Variants in PTCHD4 observed in about 807,000 individuals in gnomAD.
PTCHD4 encodes the protein patched domain-containing protein 4.
A neutral mutation model predicts 58.1 loss-of-function variants in PTCHD4; 33 were observed. The ratio of observed to expected loss-of-function variants is 0.57; its 90% CI spans 0.43 to 0.76. PTCHD4 has a LOEUF of 0.76. Ranked by LOEUF, PTCHD4 falls within the 30% of genes least tolerant of loss-of-function variation. The pLI is 0.00. For missense variants in PTCHD4, 1,058 were observed against 1,027.1 expected (o/e 1.03, Z -0.41); for synonymous variants, 478 against 409.6 (o/e 1.17, Z -2.02).
At chr6:48,109,087 C>G (rs1238743321) in intron 1 of PTCHD4, among the ~76,000 whole-genome samples, 2 of 151,818 alleles carry the variant, frequency 1.3e-5, no homozygotes, top group Non-Finnish European at 2.9e-5. Context: ...AGTAAAATAC[C>G]TTAACAAACT....
At chr6:48,102,026 C>T (rs1765614237) in intron 1 of PTCHD4, among the ~76,000 whole-genome samples, 1 of 152,220 alleles carries the variant, frequency 6.6e-6, no homozygotes, top group South Asian at 2.1e-4. Context: ...AAAACCACTA[C>T]AGCCTGCTGC....
Position 48,111,132 on chromosome 6 carries a change from C to G in PTCHD4, c.-1053G>C, listed in dbSNP as rs967568096. Among the ~76,000 whole-genome samples the G allele has an allele frequency of 6.6e-6, 1 of 152,042 alleles. No individual in the cohort carries two copies. The highest frequency in any genetic ancestry group is 2.4e-5 in the African/African-American group (1 of 41,404). ...GGGGATTTCTTTTATTTCTTCTCTG[C>G]TACTTCTCTGCCATACTGTGGTTGG... is the stretch of plus-strand genomic sequence containing the variant. On this transcript the variant is annotated 5_prime_UTR_variant, in exon 1 of 5. It removes the in-frame stop codon of an upstream open reading frame in the 5' UTR. Transcript: ENST00000339488.
chr6:47,865,813 T>C lies in PTCHD4; in HGVS notation c.*12490A>G, dbSNP rs967966211. ...ATAATAATAATAATAAAAAGTAATC[T>C]GAGTCCATCAAATCAAATATAAATT... is the stretch of plus-strand genomic sequence containing the variant. On this transcript the variant is annotated 3_prime_UTR_variant, in exon 5 of 5. Coordinates refer to ENST00000339488, the MANE Select transcript of PTCHD4 (RefSeq NM_001384253.1). Among the ~76,000 whole-genome samples, 3 of 151,870 alleles carry C rather than the reference T, an allele frequency of 2.0e-5. No individual in the cohort carries two copies. The highest frequency in any genetic ancestry group is 4.4e-5 in the Non-Finnish European group (3 of 67,876).
At chr6:47,962,596 A>T (rs1767138875) in intron 4 of PTCHD4, among the ~76,000 whole-genome samples, 1 of 152,110 alleles carries the variant, frequency 6.6e-6, no homozygotes, top group African/African-American at 2.4e-5. Context: ...TTCACTCAGC[A>T]CTTGTCCTCC....
At chr6:47,965,562 T>C (rs1767253406) in intron 4 of PTCHD4, among the ~76,000 whole-genome samples, 1 of 152,186 alleles carries the variant, frequency 6.6e-6, no homozygotes, top group Non-Finnish European at 1.5e-5. Context: ...CTATTATCTG[T>C]AAATTGTGAT....
chr6:48,078,950 C>G (rs1339542659), intron 1 of PTCHD4, among the ~76,000 whole-genome samples: 4 of 151,928 alleles, frequency 2.6e-5, no homozygotes, highest in African/African-American at 9.7e-5. Context: ...AACCCCGTCT[C>G]TACTAAAAAA....
At chr6:48,019,777 T>G (rs1380263958) in intron 3 of PTCHD4, among the ~76,000 whole-genome samples, 1 of 151,910 alleles carries the variant, frequency 6.6e-6, no homozygotes, top group Non-Finnish European at 1.5e-5. Flanking sequence ...TGGCAGTGAT[T>G]AACACAAGAT....
chr6:48,101,864 TA>T (rs1765610077), intron 1 of PTCHD4, among the ~76,000 whole-genome samples: 1 of 152,174 alleles, frequency 6.6e-6, no homozygotes, highest in Non-Finnish European at 1.5e-5. Context: ...TCAGGTCCTC[TA>T]ATTAGCTGGT....
intron 4 of PTCHD4, among the ~76,000 whole-genome samples, chr6:47,892,712 G>T (rs2114128902): frequency 6.6e-6 from 1 of 152,318 alleles, no homozygotes; most frequent in South Asian, 2.1e-4. Context: ...TACTAAATAT[G>T]ATTCAAGAGA....
chr6:48,065,954 A>G (rs1562035545), intron 3 of PTCHD4, among the ~76,000 whole-genome samples: 1 of 152,152 alleles, frequency 6.6e-6, no homozygotes, highest in Non-Finnish European at 1.5e-5. Flanking sequence ...TCTGACTTCT[A>G]CTAAGATGTA....
intron 4 of PTCHD4, among the ~76,000 whole-genome samples, chr6:47,971,706 C>T (rs1053923729): frequency 3.3e-5 from 5 of 152,154 alleles, no homozygotes; most frequent in African/African-American, 1.2e-4. Flanking sequence ...CCTCAGAATG[C>T]ACTCCATGTA....
At chr6:47,986,343 T>C (rs1768061715) in intron 4 of PTCHD4, among the ~76,000 whole-genome samples, 1 of 152,192 alleles carries the variant, frequency 6.6e-6, no homozygotes, top group Non-Finnish European at 1.5e-5. Context: ...ACTGGGACAT[T>C]ATAAATGCTC....
chr6:48,060,508 C>A (rs1562032555), intron 3 of PTCHD4, among the ~76,000 whole-genome samples: 2 of 152,118 alleles, frequency 1.3e-5, no homozygotes, highest in African/African-American at 2.4e-5. Flanking sequence ...ACAGGGTTTC[C>A]TTCTTTCGTC....
In PTCHD4 at chr6:47,863,059, G is replaced by T. The variant is rs1561925119; in HGVS notation, c.*15244C>A. Among the ~76,000 whole-genome samples the T allele has an allele frequency of 6.6e-6, 1 of 151,894 alleles. No homozygotes were observed. Among genetic ancestry groups the T allele is most frequent in the Admixed American group, 6.6e-5 (1 of 15,216 alleles). On this transcript the variant is annotated 3_prime_UTR_variant, in exon 5 of 5. Coordinates refer to ENST00000339488, the MANE Select transcript of PTCHD4 (RefSeq NM_001384253.1). The stretch of plus-strand genomic sequence containing the variant: ...TTTCGTGATAATATAGGAACAAAAA[G>T]ATCTTCAAATTCTCTGGGCATTCAT...
At chr6:47,932,032 C>T (rs1278644069) in intron 4 of PTCHD4, among the ~76,000 whole-genome samples, 1 of 149,376 alleles carries the variant, frequency 6.7e-6, no homozygotes, top group African/African-American at 2.5e-5. Context: ...TTGTATGCAC[C>T]ATGGGGACTG....
chr6:48,100,614 A>G (rs1031603006), intron 1 of PTCHD4, among the ~76,000 whole-genome samples: 1 of 152,226 alleles, frequency 6.6e-6, no homozygotes, highest in African/African-American at 2.4e-5. Context: ...AGGAGCTGCA[A>G]GAATAAGAAG....
intron 4 of PTCHD4, among the ~76,000 whole-genome samples, chr6:47,976,010 C>T (rs919824386): frequency 5.3e-5 from 8 of 152,254 alleles, no homozygotes; most frequent in South Asian, 2.1e-4. Flanking sequence ...ATACCTTTTT[C>T]GAGCATTTAT....
At chr6:47,907,158 A>C (rs374694891) in intron 4 of PTCHD4, among the ~76,000 whole-genome samples, 19 of 152,282 alleles carry the variant, frequency 1.2e-4, no homozygotes, top group African/African-American at 4.6e-4. Flanking sequence ...GGGTTTTGGA[A>C]ATGACTGTAC....
rs534044572 is a variant in PTCHD4 at position 47,951,471 on chromosome 6, T to C, written c.898+57163A>G. On this transcript the variant is annotated intron_variant, in intron 4 of 4. Transcript: ENST00000339488. ...ACTCAGTCAAGTTATTATATCAACA[T>C]ACTACAATAAAAATATATCACTGCA... is the stretch of plus-strand genomic sequence containing the variant. Among the ~76,000 whole-genome samples, 3 of 152,318 alleles carry C rather than the reference T, an allele frequency of 2.0e-5. No individual in the cohort carries two copies. In the East Asian group the frequency reaches 5.8e-4, roughly 29 times the overall value.
Sources: allele counts gnomAD v4.1 joint callset (sites outside exome capture counted in the v4.1 genomes callset), GRCh38; gene constraint gnomAD v4.1.1; transcripts MANE v1.5; gene names NCBI Gene and HGNC (gene_info 2026-07-23, HGNC 2026-07-21).